Variants in LONRF1 observed in about 807,000 individuals in gnomAD.
The protein encoded by LONRF1 is LON peptidase N-terminal domain and RING finger protein 1.
LONRF1 carries 37 observed loss-of-function variants against 85.8 expected under a neutral mutation model. That is an observed-to-expected ratio of 0.43 (90% confidence interval 0.33 to 0.57). LONRF1 has a LOEUF of 0.57. Among genes scored for constraint, LONRF1 ranks in the 20% least tolerant of loss-of-function variants. The pLI, the probability that LONRF1 is intolerant of heterozygous loss-of-function variation, is 0.04. For synonymous variants in LONRF1, 517 were observed against 390.1 expected, an observed-to-expected ratio of 1.33 and a Z score of -3.83; for missense variants, 1,036 against 978.0, an observed-to-expected ratio of 1.06 and a Z score of -0.79.
Position 12,736,915 on chromosome 8 carries a change from G to T in LONRF1, c.1339C>A (p.Leu447Met), listed in dbSNP as rs539782197. ...AAATTTTTACCTCCTTGTTTTTTCA[G>T]CTTATTTCTTCCATCTTCATTTACA... Reference protein sequence around the residue: ...VIVNEDGRNKLKKQGETPNEV... With the variant: ...VIVNEDGRNKMKKQGETPNEV... Residue 447 changes from leucine (L) to methionine (M), a missense_variant, in exon 5 of 12, where the codon CTG (leucine) becomes ATG (methionine). Physicochemically the swap from Leu to Met is conservative, Grantham distance 15. Coordinates refer to ENST00000398246, the MANE Select transcript of LONRF1 (RefSeq NM_152271.5). The T allele has an allele frequency of 6.2e-7, 1 of 1,608,174 alleles. No homozygotes were observed. The highest frequency in any genetic ancestry group is 8.5e-7 in the Non-Finnish European group (1 of 1,177,768).
intron 4 of LONRF1, 176 bp from the exon 5 acceptor site, chr8:12,737,316 T>TGCTGGCAAAAA: frequency 1.2e-6 from 1 of 810,360 alleles, no homozygotes; most frequent in Non-Finnish European, 2.1e-6. Context: ...GCCAGCACAG[T>TGCTGGCAAAAA]TGGCCCTCCG....
rs757174252 is a variant in LONRF1 at position 12,736,765 on chromosome 8, C to T, written c.1387G>A (p.Ala463Thr). The T allele has an allele frequency of 1.9e-6, 3 of 1,611,196 alleles. No individual in the cohort carries two copies. Among genetic ancestry groups the T allele is most frequent in the African/African-American group, 2.7e-5 (2 of 74,776 alleles). The change falls in exon 6 of 12, where the codon GCT (alanine) becomes ACT (threonine). Residue 463 changes from alanine to threonine, a missense_variant. Around this residue, in one of 3 missense-constraint regions of LONRF1, gnomAD observed 742 missense variants for 614.4 expected, o/e 1.21. Transcript: ENST00000398246. The part of the protein sequence containing the change: ...TPNEVCMFSL[A>T]YGDIPEELID... Reference sequence around the variant, plus strand: ...AATTCTTCTGGAATATCACCATAAGCTAAGGAAAACATACAGACTTCATTG... The same window carrying T: ...AATTCTTCTGGAATATCACCATAAGTTAAGGAAAACATACAGACTTCATTG...
At chr8:12,750,580 A>G (rs1256126982) in intron 1 of LONRF1, among the ~76,000 whole-genome samples, 1 of 152,220 alleles carries the variant, frequency 6.6e-6, no homozygotes, top group Non-Finnish European at 1.5e-5. Flanking sequence ...AAATAAGGGG[A>G]AACTACTGTA....
In LONRF1 at chr8:12,755,288, A is replaced by G; in HGVS notation, c.133T>C (p.Ser45Pro). 1 of 1,239,300 alleles carries G rather than the reference A, an allele frequency of 8.1e-7. No homozygotes were observed. The highest frequency in any genetic ancestry group is 1.0e-6 in the Non-Finnish European group (1 of 990,672). The allele number at this position is 1,239,300 out of a possible 1,614,324, so 76.8% of individuals were successfully genotyped here. ...GHRLERAAAESERWELLLRRG... is the reference protein window; with the variant it reads ...GHRLERAAAEPERWELLLRRG... ...CGGAGCAGCAGCTCCCAGCGCTCCGACTCCGCGGCCGCGCGCTCCAGCCGA... is the reference window on the plus strand; with the variant it reads ...CGGAGCAGCAGCTCCCAGCGCTCCGGCTCCGCGGCCGCGCGCTCCAGCCGA... The change falls in exon 1 of 12, where the codon TCG becomes CCG. Residue 45 changes from serine (S) to proline (P), a missense_variant. Around this residue, in one of 3 missense-constraint regions of LONRF1, gnomAD observed 742 missense variants for 614.4 expected, o/e 1.21. Transcript: ENST00000398246.
At chr8:12,743,081 T>C in intron 2 of LONRF1, 83 bp downstream of exon 2, 1 of 892,200 alleles carries the variant, frequency 1.1e-6, no homozygotes, top group Non-Finnish European at 1.9e-6. Flanking sequence ...ATCTACTTTG[T>C]TAAAATTCCT....
At chr8:12,753,984 GAGGAACC>G (rs1246717373) in intron 1 of LONRF1, 1 of 152,542 alleles carries the variant, frequency 6.6e-6, no homozygotes, top group Non-Finnish European at 1.5e-5. Flanking sequence ...AAACTTTCAA[GAGGAACC>G]AGTTCAGGCA....
chr8:12,743,620 A>C (rs1324957610), intron 1 of LONRF1, among the ~76,000 whole-genome samples: 1 of 152,146 alleles, frequency 6.6e-6, no homozygotes, highest in Non-Finnish European at 1.5e-5. Flanking sequence ...TATTTCTTAG[A>C]TGTTTAGATT....
chr8:12,725,945 G>T, intron 10 of LONRF1, 66 bp from the exon 11 acceptor site: 1 of 1,447,944 alleles, frequency 6.9e-7, no homozygotes. Context: ...TATGCCAACC[G>T]ACACAAATGG....
At chr8:12,723,515 G>A (rs915507466) in intron 11 of LONRF1, among the ~76,000 whole-genome samples, 4 of 152,178 alleles carry the variant, frequency 2.6e-5, no homozygotes, top group Non-Finnish European at 2.9e-5. Context: ...GTCAACACAC[G>A]CTCTTTCCTC....
Position 12,728,445 on chromosome 8 carries a change from A to T in LONRF1, c.2010+456T>A, listed in dbSNP as rs28567977. ...AATCTTAATATATAAAACAATTCTT[A>T]TAAGATTTGATGTGTTTACATTTAC... On this transcript the variant is annotated intron_variant, in intron 10 of 11. Transcript: ENST00000398246. Among the ~76,000 whole-genome samples the T allele has an allele frequency of 6.6e-3, 1,006 of 152,330 alleles. 10 individuals carry two copies. The highest frequency in any genetic ancestry group is 0.023 in the African/African-American group (975 of 41,566).
At chr8:12,735,645 C>T (rs1195533425) in intron 6 of LONRF1, 4 of 419,850 alleles carry the variant, frequency 9.5e-6, no homozygotes, top group African/African-American at 6.0e-5. Flanking sequence ...TCCTGACTAA[C>T]GCAACAGCCC....
intron 1 of LONRF1, among the ~76,000 whole-genome samples, chr8:12,747,841 C>T (rs1357633943): frequency 1.3e-5 from 2 of 151,980 alleles, no homozygotes; most frequent in Non-Finnish European, 2.9e-5. Flanking sequence ...AGCACAAGGG[C>T]CTCCATTCTA....
At chr8:12,737,341 G>A (rs1415500034) in intron 4 of LONRF1, 1 of 714,374 alleles carries the variant, frequency 1.4e-6, no homozygotes, top group Non-Finnish European at 2.5e-6. Flanking sequence ...CACAGGCTCT[G>A]CATCCGTGGG....
intron 4 of LONRF1, among the ~76,000 whole-genome samples, chr8:12,737,584 G>C (rs1043750942): frequency 6.6e-6 from 1 of 151,962 alleles, no homozygotes; most frequent in African/African-American, 2.4e-5. Context: ...AGCATCCTTG[G>C]ATTTGCTATC....
rs1379041224 is a variant in LONRF1 at position 12,754,731 on chromosome 8, G to A, written c.690C>T (p.Ala230=). ...GCAGCGCCTCGCAGGCGGCGGCCAGGGCCTCCCGGTAGCGCCCCTGGTGCA... is the reference window on the plus strand; with the variant it reads ...GCAGCGCCTCGCAGGCGGCGGCCAGAGCCTCCCGGTAGCGCCCCTGGTGCA... ...ELLHQGRYRE[A]LAAACEALRA... is the part of the protein sequence containing the mutation. The change falls in exon 1 of 12, where the codon GCC becomes GCT. Residue 230 remains alanine, a synonymous_variant. Coordinates refer to ENST00000398246, the MANE Select transcript of LONRF1 (RefSeq NM_152271.5). 2 of 1,420,840 alleles carry A rather than the reference G, an allele frequency of 1.4e-6. No homozygotes were observed. Among genetic ancestry groups the A allele is most frequent in the South Asian group, 1.4e-5 (1 of 69,992 alleles). 88.0% of individuals were successfully genotyped at this position (1,420,840 alleles called of 1,614,324 possible).
At chr8:12,730,109 A>G (rs1436816679) in intron 8 of LONRF1, among the ~76,000 whole-genome samples, 1 of 152,240 alleles carries the variant, frequency 6.6e-6, no homozygotes, top group African/African-American at 2.4e-5. Flanking sequence ...AGCAATGTGG[A>G]TAGTAACCAA....
At chr8:12,751,322 A>G (rs1270189250) in intron 1 of LONRF1, among the ~76,000 whole-genome samples, 1 of 5,712 alleles carries the variant, frequency 1.8e-4, no homozygotes. Flanking sequence ...TTTTTTTTTG[A>G]GACTGAGTCT....
At chr8:12,746,746 T>C (rs979060834) in intron 1 of LONRF1, among the ~76,000 whole-genome samples, 24 of 152,326 alleles carry the variant, frequency 1.6e-4, no homozygotes, top group Middle Eastern at 3.4e-3. Context: ...GTGAAGAGTA[T>C]ATGCAGCTTG....
intron 1 of LONRF1, among the ~76,000 whole-genome samples, chr8:12,750,099 ACTTCC>A (rs1417123118): frequency 6.6e-6 from 1 of 152,192 alleles, no homozygotes; most frequent in Non-Finnish European, 1.5e-5. Context: ...TTGGTCACTT[ACTTCC>A]CTTAAGAAAG....
Sources: allele counts gnomAD v4.1 joint callset (sites outside exome capture counted in the v4.1 genomes callset), GRCh38; gene constraint gnomAD v4.1.1; regional missense constraint gnomAD v4.1.1; transcripts MANE v1.5; gene names NCBI Gene and HGNC (gene_info 2026-07-23, HGNC 2026-07-21).